The following SPAG16 variants were observed in gnomAD, a reference collection of about 807,000 sequenced individuals.
The protein encoded by SPAG16 is sperm associated antigen 16.
SPAG16 carries 86 observed loss-of-function variants against 80.4 expected under a neutral mutation model. That is an observed-to-expected ratio of 1.07 (90% confidence interval 0.90 to 1.28). The LOEUF is 1.28. Ranked by LOEUF, SPAG16 falls within the 50% of genes most tolerant of loss-of-function variation. The probability of loss-of-function intolerance (pLI) is 0.00; values close to 1 mark genes in which losing one functional copy is unlikely to be tolerated. For synonymous variants in SPAG16, 294 were observed against 265.9 expected (o/e 1.11, Z -1.03); for missense variants, 870 against 765.3 (o/e 1.14, Z -1.61).
intron 10 of SPAG16, among the ~76,000 whole-genome samples, chr2:213,644,659 C>T (rs1347925794): frequency 6.6e-6 from 1 of 152,206 alleles, no homozygotes; most frequent in Non-Finnish European, 1.5e-5. Context: ...CCCAGGGAGA[C>T]ACTCTTGTTC....
chr2:214,234,835 GT>G (rs1688966420), intron 15 of SPAG16, among the ~76,000 whole-genome samples: 1 of 151,988 alleles, frequency 6.6e-6, no homozygotes, highest in Non-Finnish European at 1.5e-5. Context: ...TACACACATA[GT>G]CACACATGTT....
intron 15 of SPAG16, among the ~76,000 whole-genome samples, chr2:214,210,079 G>A (rs2058250454): frequency 2.0e-5 from 3 of 152,032 alleles, no homozygotes; most frequent in South Asian, 2.1e-4. Context: ...ATCAACTTGA[G>A]TCAGCTGTGA....
intron 10 of SPAG16, among the ~76,000 whole-genome samples, chr2:213,707,296 C>A (rs758339713): frequency 6.6e-6 from 1 of 152,154 alleles, no homozygotes; most frequent in East Asian, 1.9e-4. Context: ...CATGTTCAAG[C>A]CATTAAAAAC....
At chr2:214,099,156 A>G (rs1019871387) in intron 13 of SPAG16, among the ~76,000 whole-genome samples, 10 of 152,064 alleles carry the variant, frequency 6.6e-5, no homozygotes, top group African/African-American at 2.4e-4. Context: ...TGAGTTTATA[A>G]CTAGTTCTGG....
At chr2:214,041,947 AGTTTG>A (rs2049030138) in intron 13 of SPAG16, among the ~76,000 whole-genome samples, 1 of 141,456 alleles carries the variant, frequency 7.1e-6, no homozygotes, top group African/African-American at 2.6e-5. Flanking sequence ...ATATATATAT[AGTTTG>A]TGTATATATT....
chr2:213,741,842 A>G (rs1206565116), intron 10 of SPAG16, among the ~76,000 whole-genome samples: 1 of 152,158 alleles, frequency 6.6e-6, no homozygotes, highest in Non-Finnish European at 1.5e-5. Context: ...TTAAACCTGT[A>G]TCATTTTGAG....
chr2:213,893,065 GAA>G (rs2106087506), intron 11 of SPAG16, among the ~76,000 whole-genome samples: 1 of 151,936 alleles, frequency 6.6e-6, no homozygotes, highest in South Asian at 2.1e-4. Context: ...AACAGAAAAA[GAA>G]AAGAAGGAAA....
chr2:213,490,592 A>G (rs1029997794), intron 10 of SPAG16, among the ~76,000 whole-genome samples: 6 of 152,152 alleles, frequency 3.9e-5, no homozygotes, highest in African/African-American at 1.4e-4. Context: ...ATTCATACAC[A>G]TTTATTTTAA....
chr2:214,380,783 A>T (rs1182936111), intron 15 of SPAG16, among the ~76,000 whole-genome samples: 1 of 152,252 alleles, frequency 6.6e-6, no homozygotes, highest in East Asian at 1.9e-4. Context: ...TATGCTGAAC[A>T]TGGACACCAC....
At chr2:214,122,217 T>C (rs1421599965) in intron 14 of SPAG16, among the ~76,000 whole-genome samples, 1 of 151,804 alleles carries the variant, frequency 6.6e-6, no homozygotes, top group Non-Finnish European at 1.5e-5. Flanking sequence ...TAAAAAAGAA[T>C]GTGTAACTGT....
At chr2:213,902,756 G>A (rs1202626889) in intron 11 of SPAG16, among the ~76,000 whole-genome samples, 1 of 152,076 alleles carries the variant, frequency 6.6e-6, no homozygotes, top group African/African-American at 2.4e-5. Context: ...TAACCCAAAA[G>A]TCCACAGTCC....
At chr2:214,211,099 G>A (rs957444902) in intron 15 of SPAG16, among the ~76,000 whole-genome samples, 3 of 151,884 alleles carry the variant, frequency 2.0e-5, no homozygotes, top group Non-Finnish European at 2.9e-5. Context: ...TCTTGAGCAC[G>A]TAACATTTTC....
intron 15 of SPAG16, among the ~76,000 whole-genome samples, chr2:214,403,937 C>A (rs1186364566): frequency 1.3e-5 from 2 of 152,122 alleles, no homozygotes; most frequent in Non-Finnish European, 2.9e-5. Context: ...CTTGTACCAA[C>A]TTGGTGAAGA....
chr2:213,925,208 A>G (rs555159186), intron 11 of SPAG16, among the ~76,000 whole-genome samples: 9 of 152,182 alleles, frequency 5.9e-5, no homozygotes, highest in African/African-American at 1.7e-4. Flanking sequence ...AAATATTTCT[A>G]TATACTTACA....
At chr2:213,493,461 G>C (rs1281784225) in intron 10 of SPAG16, among the ~76,000 whole-genome samples, 1 of 152,184 alleles carries the variant, frequency 6.6e-6, no homozygotes, top group Non-Finnish European at 1.5e-5. Context: ...AATTAAATTA[G>C]TTTAGAGAGT....
chr2:213,893,334 GA>G (rs945956178), intron 11 of SPAG16, among the ~76,000 whole-genome samples: 15 of 150,556 alleles, frequency 1.0e-4, no homozygotes, highest in Admixed American at 9.3e-4. Context: ...CCATCTGAAA[GA>G]AAAAAAAATG....
At chr2:213,955,462 T>TG in intron 12 of SPAG16, among the ~76,000 whole-genome samples, 1 of 152,322 alleles carries the variant, frequency 6.6e-6, no homozygotes, top group Middle Eastern at 3.4e-3. Flanking sequence ...CTTGACTTGT[T>TG]GGGGTACGCT....
At position 213,360,662 on chromosome 2, in the gene SPAG16, T is replaced by G. The variant is rs532279916; in HGVS notation, c.763-3414T>G. 2.6e-5 allele frequency among the ~76,000 whole-genome samples: 4 copies of G among 152,338 alleles called. No individual in the cohort carries two copies. The South Asian group carries it at 8.3e-4, about 32-fold the overall frequency. ...ATACTAATCAGGTATATCCTGGGTG[T>G]ACAGGCATAGATTAGCCTTTGAAAT... On this transcript the variant is annotated intron_variant, in intron 7 of 15. Transcript: ENST00000331683.
chr2:213,297,216 A>T (rs775622633), intron 2 of SPAG16, 46 bp from the exon 3 acceptor site: 1 of 1,516,544 alleles, frequency 6.6e-7, no homozygotes, highest in Non-Finnish European at 9.0e-7. Flanking sequence ...AAAGTATTTT[A>T]TATTTCTGCT....
Sources: allele counts gnomAD v4.1 joint callset (sites outside exome capture counted in the v4.1 genomes callset), GRCh38; gene constraint gnomAD v4.1.1; transcripts MANE v1.5; gene names NCBI Gene and HGNC (gene_info 2026-07-23, HGNC 2026-07-21).